PDZD8: variants seen among roughly 807,000 people sequenced by gnomAD.
The protein encoded by PDZD8 is PDZ domain containing 8.
In PDZD8, 14 loss-of-function variants were observed where a neutral mutation model predicts 85.8. The observed-to-expected ratio is 0.16, with a 90% CI of 0.11 to 0.26. The LOEUF is 0.26. Among genes scored for constraint, PDZD8 ranks in the 10% least tolerant of loss-of-function variants. The pLI is 1.00. For synonymous variants in PDZD8, 592 were observed against 568.6 expected, an observed-to-expected ratio of 1.04 and a Z score of -0.59; for missense variants, 1,197 against 1,424.3, an observed-to-expected ratio of 0.84 and a Z score of 2.57.
At chr10:117,346,404 A>G (rs190457943) in intron 1 of PDZD8, among the ~76,000 whole-genome samples, 12 of 152,206 alleles carry the variant, frequency 7.9e-5, no homozygotes, top group Admixed American at 1.3e-4. Flanking sequence ...GCACTCTTAA[A>G]ATTTAATCTG....
At chr10:117,340,495 A>C (rs778794325) in intron 2 of PDZD8, among the ~76,000 whole-genome samples, 4 of 152,142 alleles carry the variant, frequency 2.6e-5, no homozygotes, top group Non-Finnish European at 4.4e-5. Flanking sequence ...GTTTCCATCC[A>C]CTGATCCCAC....
chr10:117,300,245 A>C (rs1477492080), intron 3 of PDZD8, among the ~76,000 whole-genome samples: 1 of 152,166 alleles, frequency 6.6e-6, no homozygotes, highest in Non-Finnish European at 1.5e-5. Context: ...CTATTATTCC[A>C]GAAAAATGCA....
At chr10:117,347,030 T>C (rs2133856816) in intron 1 of PDZD8, among the ~76,000 whole-genome samples, 1 of 152,154 alleles carries the variant, frequency 6.6e-6, no homozygotes. Context: ...TTTCTCTCTC[T>C]TTTCTTTTTC....
intron 1 of PDZD8, among the ~76,000 whole-genome samples, chr10:117,346,880 C>A (rs964122719): frequency 6.6e-6 from 1 of 151,980 alleles, no homozygotes; most frequent in Non-Finnish European, 1.5e-5. Context: ...ATGTAAGTAG[C>A]ACACCTGGTC....
chr10:117,286,185 T>C (rs1341589751), intron 4 of PDZD8, among the ~76,000 whole-genome samples: 1 of 152,214 alleles, frequency 6.6e-6, no homozygotes, highest in East Asian at 1.9e-4. Context: ...TTGAAAGGTA[T>C]AAAGGTATAA....
intron 2 of PDZD8, among the ~76,000 whole-genome samples, chr10:117,321,234 A>C (rs1175013654): frequency 1.3e-5 from 2 of 152,186 alleles, no homozygotes; most frequent in African/African-American, 4.8e-5. Context: ...AAAAAGTGGA[A>C]ACAAGCCAAA....
intron 1 of PDZD8, among the ~76,000 whole-genome samples, chr10:117,366,815 G>T (rs11197970): frequency 0.24 from 37,127 of 151,938 alleles, 5,129 homozygotes; most frequent in East Asian, 0.44. Flanking sequence ...TCCGTAAATC[G>T]CATATTTCCA....
intron 1 of PDZD8, among the ~76,000 whole-genome samples, chr10:117,366,633 T>A (rs564248990): frequency 1.2e-4 from 18 of 151,618 alleles, no homozygotes; most frequent in Non-Finnish European, 1.9e-4. Context: ...TTTAACAACG[T>A]CAAATATAAA....
intron 3 of PDZD8, among the ~76,000 whole-genome samples, chr10:117,312,230 T>C (rs971077823): frequency 6.6e-6 from 1 of 152,154 alleles, no homozygotes; most frequent in Non-Finnish European, 1.5e-5. Context: ...GTACCATGGC[T>C]GTGTAGAGGA....
In PDZD8 at chr10:117,279,966, A is replaced by G. The variant is rs1200428818; in HGVS notation, c.*3302T>C. On this transcript the variant is annotated 3_prime_UTR_variant, in exon 5 of 5. Transcript: ENST00000334464. Reference sequence around the variant, plus strand: ...TTTTAAAAGTAGGTATTTAAAATTTATTCACTTTTAGGGGACTTAACATTT... The same window carrying G: ...TTTTAAAAGTAGGTATTTAAAATTTGTTCACTTTTAGGGGACTTAACATTT... 6.6e-6 allele frequency: 1 copy of G among 152,196 alleles called. No homozygotes were observed. The highest frequency in any genetic ancestry group is 1.5e-5 in the Non-Finnish European group (1 of 68,034). 9.4% of individuals were successfully genotyped at this position (152,196 alleles called of 1,614,324 possible).
chr10:117,278,102 CATG>C lies in PDZD8; in HGVS notation c.*5163_*5165del, dbSNP rs1289252693. The C allele has an allele frequency of 3.3e-5, 5 of 152,124 alleles. No individual in the cohort carries two copies. Among genetic ancestry groups the C allele is most frequent in the Non-Finnish European group, 7.4e-5 (5 of 68,022 alleles). The allele number at this position is 152,124 out of a possible 1,614,324, so 9.4% of individuals were successfully genotyped here. On this transcript the variant is annotated 3_prime_UTR_variant, in exon 5 of 5. Transcript: ENST00000334464. ...CCTTATACTGTCAAGGTTGTTTAAACATGATAAGGTTAATCGCCATCTACTTCA... is the reference window on the plus strand; with the variant it reads ...CCTTATACTGTCAAGGTTGTTTAAACATAAGGTTAATCGCCATCTACTTCA...
chr10:117,330,289 C>T (rs1366013961), intron 2 of PDZD8, among the ~76,000 whole-genome samples: 1 of 152,070 alleles, frequency 6.6e-6, no homozygotes, highest in Non-Finnish European at 1.5e-5. Context: ...CTCATTTTCC[C>T]CCTGCTACCT....
At chr10:117,312,299 G>T (rs779078418) in intron 3 of PDZD8, among the ~76,000 whole-genome samples, 3 of 152,152 alleles carry the variant, frequency 2.0e-5, no homozygotes, top group Non-Finnish European at 2.9e-5. Flanking sequence ...AATGGCAGGG[G>T]AGAAAGGAGG....
intron 4 of PDZD8, among the ~76,000 whole-genome samples, chr10:117,288,291 C>T (rs1443994156): frequency 6.6e-6 from 1 of 151,776 alleles, no homozygotes; most frequent in Non-Finnish European, 1.5e-5. Context: ...AAGTTTACAA[C>T]ATGCTAAAAG....
chr10:117,354,144 T>C (rs1197583760), intron 1 of PDZD8, among the ~76,000 whole-genome samples: 1 of 152,222 alleles, frequency 6.6e-6, no homozygotes, highest in Non-Finnish European at 1.5e-5. Flanking sequence ...TCTGTTGTTC[T>C]GTGTTCCTCA....
chr10:117,365,587 T>C (rs75523470), intron 1 of PDZD8, among the ~76,000 whole-genome samples: 3,355 of 152,310 alleles, frequency 0.022, 109 homozygotes, highest in African/African-American at 0.074. Context: ...AAATATCTGA[T>C]ATATATCTAG....
intron 2 of PDZD8, among the ~76,000 whole-genome samples, chr10:117,321,763 A>G (rs1266340328): frequency 6.6e-6 from 1 of 152,186 alleles, no homozygotes; most frequent in East Asian, 1.9e-4. Context: ...AAGATGTAAT[A>G]ATAAATGATT....
At chr10:117,298,046 C>G (rs898431567) in intron 3 of PDZD8, among the ~76,000 whole-genome samples, 29 of 152,060 alleles carry the variant, frequency 1.9e-4, no homozygotes, top group African/African-American at 6.0e-4. Flanking sequence ...GGAAGAAAAG[C>G]AATATTTATA....
At chr10:117,328,057 T>G (rs917462281) in intron 2 of PDZD8, among the ~76,000 whole-genome samples, 2 of 152,240 alleles carry the variant, frequency 1.3e-5, no homozygotes, top group African/African-American at 4.8e-5. Flanking sequence ...TAAGGATTTG[T>G]TTTGCTCCAA....
Sources: gnomAD v4.1 joint callset for allele counts (sites outside exome capture counted in the v4.1 genomes callset) on GRCh38, gnomAD v4.1.1 for gene constraint, MANE v1.5 for transcripts, NCBI Gene and HGNC (gene_info 2026-07-23, HGNC 2026-07-21) for gene names.